PALS1: variants seen among roughly 807,000 people sequenced by gnomAD.
The protein encoded by PALS1 is protein PALS1.
PALS1 carries 31 observed loss-of-function variants against 78.9 expected under a neutral mutation model. That is an observed-to-expected ratio of 0.39 (90% CI 0.30 to 0.53). The LOEUF is 0.53. Among genes scored for constraint, PALS1 ranks in the 20% least tolerant of loss-of-function variants. The pLI is 0.67. For missense variants in PALS1, 704 were observed against 826.5 expected, an observed-to-expected ratio of 0.85 and a Z score of 1.82; for synonymous variants, 276 against 270.9, an observed-to-expected ratio of 1.02 and a Z score of -0.18.
intron 9 of PALS1, among the ~76,000 whole-genome samples, chr14:67,314,958 A>C (rs1013317301): frequency 1.5e-4 from 23 of 152,198 alleles, no homozygotes; most frequent in African/African-American, 5.3e-4. Flanking sequence ...AAATTTAAAA[A>C]TTAGCTGGGC....
chr14:67,308,129 A>T (rs1378313651), intron 8 of PALS1, among the ~76,000 whole-genome samples: 1 of 152,164 alleles, frequency 6.6e-6, no homozygotes, highest in African/African-American at 2.4e-5. Context: ...ACTAATGGGT[A>T]CTAGGCTTAA....
In PALS1 at chr14:67,254,025, TC is replaced by T. The variant is rs150024838; in HGVS notation, c.-237+12502del. ...ATGTCTTTTTTGGGCCTTATATTCA[TC>T]CCCCCCCCCTTACAAGTTTTCTTAG... On this transcript the variant is annotated intron_variant, in intron 1 of 14. Coordinates refer to ENST00000261681, the MANE Select transcript of PALS1 (RefSeq NM_022474.4). Among the ~76,000 whole-genome samples the T allele has an allele frequency of 1.5e-3, 186 of 122,948 alleles. 4 individuals are homozygous for T. The highest frequency in any genetic ancestry group is 0.013 in the East Asian group (48 of 3,694). 80.7% of individuals were successfully genotyped at this position (122,948 alleles called of 152,430 possible).
At chr14:67,306,752 ACTG>A (rs1038103235) in intron 8 of PALS1, among the ~76,000 whole-genome samples, 2 of 152,230 alleles carry the variant, frequency 1.3e-5, no homozygotes, top group African/African-American at 4.8e-5. Flanking sequence ...CTTAAAATGA[ACTG>A]CTATTATTAA....
intron 3 of PALS1, among the ~76,000 whole-genome samples, chr14:67,284,745 T>C: frequency 6.6e-6 from 1 of 151,944 alleles, no homozygotes; most frequent in South Asian, 2.1e-4. Flanking sequence ...TTACATAACA[T>C]AGGCTCTTTT....
chr14:67,313,894 ATTTGT>A (rs2085130698), intron 9 of PALS1, among the ~76,000 whole-genome samples: 1 of 151,938 alleles, frequency 6.6e-6, no homozygotes, highest in Non-Finnish European at 1.5e-5. Context: ...GCCAAGTCTT[ATTTGT>A]TTTAAATCCA....
chr14:67,261,845 A>T (rs2084243500), intron 1 of PALS1, among the ~76,000 whole-genome samples: 1 of 152,120 alleles, frequency 6.6e-6, no homozygotes, highest in Non-Finnish European at 1.5e-5. Flanking sequence ...GTCTGTTAGC[A>T]TATGTAACAG....
intron 14 of PALS1, among the ~76,000 whole-genome samples, chr14:67,324,786 A>G (rs745845651): frequency 6.7e-6 from 1 of 148,998 alleles, no homozygotes; most frequent in African/African-American, 2.5e-5. Context: ...GGGTCTCGCT[A>G]TGTTGCCAGG....
At chr14:67,315,215 A>C (rs1017393103) in intron 9 of PALS1, among the ~76,000 whole-genome samples, 1 of 152,088 alleles carries the variant, frequency 6.6e-6, no homozygotes, top group African/African-American at 2.4e-5. Context: ...TTAATATGTA[A>C]ATGATTAAAA....
intron 1 of PALS1, among the ~76,000 whole-genome samples, chr14:67,245,623 A>T (rs540262580): frequency 1.3e-5 from 2 of 152,168 alleles, no homozygotes; most frequent in Non-Finnish European, 2.9e-5. Context: ...AAGTGGTGGG[A>T]TAACACGCAT....
chr14:67,285,161 T>TA (rs1469834419), intron 3 of PALS1, among the ~76,000 whole-genome samples: 1 of 152,162 alleles, frequency 6.6e-6, no homozygotes, highest in African/African-American at 2.4e-5. Context: ...AAAGAAATCT[T>TA]AAAAGTTTCA....
chr14:67,248,246 A>C (rs570117065), intron 1 of PALS1, among the ~76,000 whole-genome samples: 21 of 152,224 alleles, frequency 1.4e-4, no homozygotes, highest in African/African-American at 3.1e-4. Context: ...AAAATGAAGG[A>C]GCAATGTCAC....
chr14:67,283,095 T>C (rs1453588023), intron 3 of PALS1, among the ~76,000 whole-genome samples: 2 of 152,112 alleles, frequency 1.3e-5, no homozygotes, highest in Admixed American at 1.3e-4. Flanking sequence ...TAGTGGTTAA[T>C]AAAAAGACTC....
intron 4 of PALS1, among the ~76,000 whole-genome samples, chr14:67,296,323 G>T (rs979374791): frequency 5.3e-5 from 8 of 152,066 alleles, no homozygotes; most frequent in Non-Finnish European, 1.2e-4. Context: ...TCCAGACGCC[G>T]GATGCAGTGG....
chr14:67,293,183 TTAATA>T (rs1955049690), intron 4 of PALS1, among the ~76,000 whole-genome samples: 1 of 152,166 alleles, frequency 6.6e-6, no homozygotes, highest in South Asian at 2.1e-4. Flanking sequence ...TTATTAAATC[TTAATA>T]TACTATGGGA....
At chr14:67,249,372 C>A (rs577913485) in intron 1 of PALS1, among the ~76,000 whole-genome samples, 1 of 152,252 alleles carries the variant, frequency 6.6e-6, no homozygotes, top group South Asian at 2.1e-4. Flanking sequence ...CTAGGCCAAG[C>A]CTCACTTTTC....
intron 2 of PALS1, chr14:67,270,017 A>C (rs902341245): frequency 6.6e-6 from 1 of 152,196 alleles, no homozygotes; most frequent in African/African-American, 2.4e-5. Flanking sequence ...ATGCGTATGA[A>C]GTATATCTCT....
chr14:67,302,439 T>C lies in PALS1; in HGVS notation c.831T>C (p.Ser277=). 6.3e-7 allele frequency: 1 copy of C among 1,597,380 alleles called. No homozygotes were observed. Among genetic ancestry groups the C allele is most frequent in the Non-Finnish European group, 8.5e-7 (1 of 1,171,450 alleles). ...CTACAGTTCGTAATGAAATGGACTC[T>C]GTCATCATTAGCCGGATAGTAAAAG... ...LGATVRNEMD[S]VIISRIVKGG... The change falls in exon 7 of 15, where the codon TCT becomes TCC. Residue 277 remains serine (S), a synonymous_variant. Coordinates refer to ENST00000261681, the MANE Select transcript of PALS1 (RefSeq NM_022474.4).
At chr14:67,310,617 C>T (rs2085074244) in intron 8 of PALS1, among the ~76,000 whole-genome samples, 1 of 152,164 alleles carries the variant, frequency 6.6e-6, no homozygotes. Flanking sequence ...TCAAAAGTTA[C>T]TCCCAAAAGG....
chr14:67,306,484 C>G (rs1167882025), intron 8 of PALS1, among the ~76,000 whole-genome samples: 2 of 151,698 alleles, frequency 1.3e-5, no homozygotes, highest in African/African-American at 4.9e-5. Flanking sequence ...GCTGGGATTA[C>G]AGGCGCCCGC....
Sources: allele counts gnomAD v4.1 joint callset (sites outside exome capture counted in the v4.1 genomes callset), GRCh38; gene constraint gnomAD v4.1.1; transcripts MANE v1.5; gene names NCBI Gene and HGNC (gene_info 2026-07-23, HGNC 2026-07-21).